Variants in CEP128 observed in about 807,000 individuals in gnomAD.
CEP128 encodes centrosomal protein 128kDa.
A neutral mutation model predicts 156.7 loss-of-function variants in CEP128; 132 were observed. The observed-to-expected ratio is 0.84, with a 90% CI of 0.73 to 0.97. The LOEUF (loss-of-function observed/expected upper bound fraction) is 0.97, where lower values mean the gene tolerates loss of function less well. Among genes scored for constraint, CEP128 ranks in the 50% least tolerant of loss-of-function variants. The pLI is 0.00. For synonymous variants in CEP128, 469 were observed against 448.9 expected, an observed-to-expected ratio of 1.04 and a Z score of -0.57; for missense variants, 1,252 against 1,281.9, an observed-to-expected ratio of 0.98 and a Z score of 0.36.
Position 80,900,013 on chromosome 14 carries a change from T to C in CEP128, c.497A>G (p.Gln166Arg). ...DDMTQLHGFH[Q>R]SLRDLSSEQI... ...TTCACTGCTGAGGTCTCGAAGAGACTGATGAAAACCATGAAGCTAGCAAAG... is the reference window on the plus strand; with the variant it reads ...TTCACTGCTGAGGTCTCGAAGAGACCGATGAAAACCATGAAGCTAGCAAAG... Residue 166 changes from glutamine (Q) to arginine (R), a missense_variant, in exon 7 of 25, where the codon CAG becomes CGG. By Grantham distance (43) the Gln-to-Arg change is conservative (BLOSUM62 1). Coordinates refer to ENST00000555265, the MANE Select transcript of CEP128 (RefSeq NM_152446.5). 6.2e-7 allele frequency: 1 copy of C among 1,611,736 alleles called. No homozygotes were observed. Among genetic ancestry groups the C allele is most frequent in the Non-Finnish European group, 8.5e-7 (1 of 1,178,474 alleles).
chr14:80,929,089 G>T (rs1348708582), intron 2 of CEP128, among the ~76,000 whole-genome samples: 1 of 151,130 alleles, frequency 6.6e-6, no homozygotes. Context: ...CTCAAAAGAA[G>T]ATATACAAAT....
chr14:80,918,819 A>G (rs988147492), intron 2 of CEP128, among the ~76,000 whole-genome samples: 2 of 152,192 alleles, frequency 1.3e-5, no homozygotes, highest in Non-Finnish European at 2.9e-5. Context: ...AGGCACCAGG[A>G]AAAAAACTAA....
In CEP128 at chr14:80,801,910, C is replaced by CAAAAAAAAAAAA. The variant is rs71103882; in HGVS notation, c.1210-8812_1210-8801dup. Among the ~76,000 whole-genome samples, 19 of 43,386 alleles carry CAAAAAAAAAAAA rather than the reference C, an allele frequency of 4.4e-4. 8 individuals are homozygous for CAAAAAAAAAAAA. The highest frequency in any genetic ancestry group is 6.7e-4 in the Admixed American group (2 of 2,982). 28.5% of individuals were successfully genotyped at this position (43,386 alleles called of 152,430 possible). ...GTGACAGTGTGAGACTCTGTCTCCC[C>CAAAAAAAAAAAA]AAAAAAAAAAAAAAAAAAAAAAAAA... On this transcript the variant is annotated intron_variant, in intron 13 of 24. Coordinates refer to ENST00000555265, the MANE Select transcript of CEP128 (RefSeq NM_152446.5).
chr14:80,729,603 T>C (rs1269934665), intron 19 of CEP128, among the ~76,000 whole-genome samples: 1 of 152,134 alleles, frequency 6.6e-6, no homozygotes, highest in African/African-American at 2.4e-5. Flanking sequence ...TTAGGGAATA[T>C]CCGTATTGTT....
chr14:80,793,332 T>C (rs1341403860), intron 13 of CEP128, among the ~76,000 whole-genome samples: 1 of 152,228 alleles, frequency 6.6e-6, no homozygotes, highest in Non-Finnish European at 1.5e-5. Context: ...TGGACTATTT[T>C]ATCATCCAAA....
chr14:80,888,322 A>G (rs1888912283), intron 8 of CEP128, among the ~76,000 whole-genome samples: 1 of 152,178 alleles, frequency 6.6e-6, no homozygotes, highest in South Asian at 2.1e-4. Context: ...GCAGAAACAC[A>G]ACAAAAAAAG....
intron 19 of CEP128, among the ~76,000 whole-genome samples, chr14:80,620,063 T>C (rs1232760748): frequency 6.6e-6 from 1 of 151,864 alleles, no homozygotes; most frequent in African/African-American, 2.4e-5. Flanking sequence ...AGGCGGAGGT[T>C]GCAGTGAGCC....
chr14:80,694,050 C>T (rs1159587108), intron 19 of CEP128, among the ~76,000 whole-genome samples: 2 of 152,016 alleles, frequency 1.3e-5, no homozygotes. Context: ...TTTAAAACTT[C>T]ATCCAAATTT....
intron 22 of CEP128, 158 bp from the exon 23 acceptor site, chr14:80,527,140 A>G: frequency 1.8e-6 from 1 of 556,132 alleles, no homozygotes; most frequent in East Asian, 3.0e-5. Context: ...CCATAGAGAA[A>G]GAAGAAGGCT....
chr14:80,805,770 T>A lies in CEP128; in HGVS notation c.1210-12660A>T, dbSNP rs551559082. ...CAGAACTAAGGCAAGTCTCTTTGAA[T>A]AAAAGAACTCCAATCAATCAAAGGA... On this transcript the variant is annotated intron_variant, in intron 13 of 24. Transcript: ENST00000555265. 2.6e-5 allele frequency among the ~76,000 whole-genome samples: 4 copies of A among 152,298 alleles called. No individual in the cohort carries two copies. The East Asian group carries it at 7.7e-4, about 29-fold the overall frequency.
intron 19 of CEP128, among the ~76,000 whole-genome samples, chr14:80,634,784 C>T (rs535895754): frequency 1.3e-5 from 2 of 152,268 alleles, no homozygotes; most frequent in South Asian, 2.1e-4. Context: ...CTCCCGATGC[C>T]TGAATTGTAA....
intron 9 of CEP128, among the ~76,000 whole-genome samples, chr14:80,852,188 G>C (rs1886926588): frequency 6.6e-6 from 1 of 151,798 alleles, no homozygotes; most frequent in South Asian, 2.1e-4. Flanking sequence ...CAAAAAATTG[G>C]TCATAGAATT....
intron 8 of CEP128, among the ~76,000 whole-genome samples, chr14:80,874,468 TC>T (rs987232316): frequency 1.4e-5 from 2 of 143,368 alleles, no homozygotes; most frequent in African/African-American, 5.6e-5. Context: ...TGTCTCTGTC[TC>T]CAAAAAAAAA....
chr14:80,908,167 T>C (rs1176170674), intron 4 of CEP128, among the ~76,000 whole-genome samples: 1 of 152,202 alleles, frequency 6.6e-6, no homozygotes, highest in African/African-American at 2.4e-5. Flanking sequence ...TACAGTTTTA[T>C]TTGTATTTAT....
intron 4 of CEP128, among the ~76,000 whole-genome samples, chr14:80,912,292 T>C (rs570379218): frequency 1.3e-5 from 2 of 151,978 alleles, no homozygotes; most frequent in Admixed American, 6.6e-5. Flanking sequence ...TTGATGACAA[T>C]GGATCCCTCG....
At chr14:80,735,711 T>A (rs919365020) in intron 19 of CEP128, among the ~76,000 whole-genome samples, 4 of 152,230 alleles carry the variant, frequency 2.6e-5, no homozygotes, top group Non-Finnish European at 4.4e-5. Context: ...TACGTCTTAC[T>A]GGGCTAAATC....
chr14:80,542,006 C>A (rs149001180), intron 21 of CEP128, among the ~76,000 whole-genome samples: 131 of 152,340 alleles, frequency 8.6e-4, no homozygotes, highest in Non-Finnish European at 1.7e-3. Context: ...TACATTAACA[C>A]ATGTAAAGTG....
intron 2 of CEP128, among the ~76,000 whole-genome samples, chr14:80,920,854 T>A (rs897274142): frequency 3.9e-5 from 6 of 152,240 alleles, no homozygotes; most frequent in Non-Finnish European, 8.8e-5. Flanking sequence ...GAATAACTTG[T>A]CTGGATGTCA....
At chr14:80,659,253 T>G (rs1895297611) in intron 19 of CEP128, among the ~76,000 whole-genome samples, 1 of 152,164 alleles carries the variant, frequency 6.6e-6, no homozygotes, top group African/African-American at 2.4e-5. Flanking sequence ...GTAATAATTT[T>G]TTCCTACAGC....
Sources: allele counts gnomAD v4.1 joint callset (sites outside exome capture counted in the v4.1 genomes callset), GRCh38; gene constraint gnomAD v4.1.1; transcripts MANE v1.5; gene names NCBI Gene and HGNC (gene_info 2026-07-23, HGNC 2026-07-21).